The following CARD8 variants were observed in gnomAD, a reference collection of about 807,000 sequenced individuals.
CARD8 encodes caspase recruitment domain-containing protein 8.
Under a neutral mutation model 53.2 loss-of-function variants are expected in CARD8, and 38 were observed. The observed-to-expected ratio is 0.71, with a 90% confidence interval of 0.55 to 0.94. The LOEUF (loss-of-function observed/expected upper bound fraction) is 0.94. Among genes scored for constraint, CARD8 ranks in the 40% least tolerant of loss-of-function variants. The pLI is 0.00. For missense variants in CARD8, 561 were observed against 655.5 expected (o/e 0.86, Z 1.57); for synonymous variants, 245 against 244.9 (o/e 1.00, Z 0.00).
chr19:48,239,053 T>C (rs1027445181), intron 4 of CARD8, among the ~76,000 whole-genome samples: 2 of 152,198 alleles, frequency 1.3e-5, no homozygotes, highest in Non-Finnish European at 2.9e-5. Flanking sequence ...TATAGGAGCA[T>C]AACAAGGGCC....
At chr19:48,255,536 G>T (rs1376574843) in intron 1 of CARD8, 1 of 152,150 alleles carries the variant, frequency 6.6e-6, no homozygotes, top group African/African-American at 2.4e-5. Flanking sequence ...GAGTGTGAGA[G>T]AGATTATTAA....
intron 5 of CARD8, among the ~76,000 whole-genome samples, 151 bp from the exon 6 acceptor site, chr19:48,234,694 C>T (rs1299979045): frequency 1.3e-5 from 2 of 152,158 alleles, no homozygotes; most frequent in East Asian, 1.9e-4. Flanking sequence ...CTCCATCTCA[C>T]CTCTCAGACT....
chr19:48,251,292 T>C lies in CARD8; in HGVS notation c.-251-1445A>G, dbSNP rs187296951. 5.9e-5 allele frequency among the ~76,000 whole-genome samples: 9 copies of C among 152,348 alleles called. No homozygotes were observed. The East Asian group carries it at 1.5e-3, about 26-fold the overall frequency. ...ATTAAGTGAGATGAAAGTCTCATTA[T>C]GATATAGAGTCTTGTTTCAGCATCT... On this transcript the variant is annotated intron_variant, in intron 1 of 13. Transcript: ENST00000651546.
At chr19:48,217,922 T>G (rs2145565101) in intron 12 of CARD8, among the ~76,000 whole-genome samples, 1 of 152,340 alleles carries the variant, frequency 6.6e-6, no homozygotes, top group South Asian at 2.1e-4. Context: ...CCTCAGGGAA[T>G]ATGACACCCC....
At position 48,231,750 on chromosome 19, in the gene CARD8, T is replaced by A; in HGVS notation, c.452A>T (p.Glu151Val). The change falls in exon 8 of 14, where the codon GAG becomes GTG. Residue 151 changes from glutamate (E) to valine (V), a missense_variant. Physicochemically the swap from Glu to Val is moderately radical, Grantham distance 121 (BLOSUM62 -2). Transcript: ENST00000651546. ...ACGATTTTTATAATCTTCTTCGATC[T>A]CAAAACAGACTTTAGAAGCATAAGA... is the stretch of plus-strand genomic sequence containing the variant. ...VSSYASKVCFEIEEDYKNRQF... is the reference protein window; with the variant it reads ...VSSYASKVCFVIEEDYKNRQF... The A allele has an allele frequency of 6.2e-7, 1 of 1,613,564 alleles. No individual in the cohort carries two copies. Among genetic ancestry groups the A allele is most frequent in the East Asian group, 2.2e-5 (1 of 44,832 alleles).
chr19:48,217,387 C>G (rs2039551402), intron 12 of CARD8, among the ~76,000 whole-genome samples: 1 of 152,212 alleles, frequency 6.6e-6, no homozygotes. Flanking sequence ...TGTACTCACA[C>G]ATTTGTTCAA....
At chr19:48,205,531 A>G (rs536111399), downstream of CARD8, among the ~76,000 whole-genome samples, 65 of 152,304 alleles carry the variant, frequency 4.3e-4, no homozygotes, top group Non-Finnish European at 7.3e-4. Context: ...CGCCTGGCCC[A>G]TATACAATTG....
chr19:48,206,377 C>T (rs1008653098), downstream of CARD8: 4 of 449,136 alleles, frequency 8.9e-6, no homozygotes, highest in South Asian at 3.1e-5. Flanking sequence ...TTTCAGGAAG[C>T]GCCTACCGTA....
At chr19:48,204,770 G>A (rs2037281810), downstream of CARD8, among the ~76,000 whole-genome samples, 1 of 152,096 alleles carries the variant, frequency 6.6e-6, no homozygotes, top group Admixed American at 6.6e-5. Flanking sequence ...TTTTATAAGG[G>A]AATTGAGGTA....
intron 12 of CARD8, 38 bp from the exon 13 acceptor site, chr19:48,215,422 A>G (rs946149369): frequency 7.1e-7 from 1 of 1,414,548 alleles, no homozygotes; most frequent in Non-Finnish European, 1.0e-6. Context: ...GAGATGAGAT[A>G]AATCATGTAC....
At chr19:48,203,969 T>A (rs1346685534), downstream of CARD8, 1 of 337,528 alleles carries the variant, frequency 3.0e-6, no homozygotes, top group East Asian at 9.2e-5. Flanking sequence ...TGTGAGGGCC[T>A]GCGCAGTAGA....
Position 48,215,288 on chromosome 19 carries a change from C to A in CARD8, c.1348+52G>T. 4 of 1,325,052 alleles carry A rather than the reference C, an allele frequency of 3.0e-6. No individual in the cohort carries two copies. In the South Asian group the frequency reaches 4.7e-5, roughly 16 times the overall value. 82.1% of individuals were successfully genotyped at this position (1,325,052 alleles called of 1,614,324 possible). On this transcript the variant is annotated intron_variant, in intron 13 of 13. Transcript: ENST00000651546. The stretch of plus-strand genomic sequence containing the variant: ...GATACCTTCCACTGTCACTCAAAGA[C>A]CCCTTGATGTCTCATACATACCCTT...
At chr19:48,243,379 AT>A (rs2045552303) in intron 3 of CARD8, among the ~76,000 whole-genome samples, 1 of 152,166 alleles carries the variant, frequency 6.6e-6, no homozygotes, top group Non-Finnish European at 1.5e-5. Flanking sequence ...CCACCACTGA[AT>A]TTATCTGCAA....
chr19:48,240,830 T>A, intron 4 of CARD8, 132 bp downstream of exon 4: 1 of 751,260 alleles, frequency 1.3e-6, no homozygotes, highest in Non-Finnish European at 2.2e-6. Flanking sequence ...CATGCAGAGA[T>A]GGGTGAATGA....
At chr19:48,233,302 A>G (rs1378562490) in intron 6 of CARD8, 2 of 455,980 alleles carry the variant, frequency 4.4e-6, no homozygotes, top group African/African-American at 2.0e-5. Context: ...ACTCCATCAA[A>G]TTCTCTGCCT....
intron 10 of CARD8, among the ~76,000 whole-genome samples, chr19:48,229,931 G>A (rs2042521046): frequency 6.6e-6 from 1 of 152,116 alleles, no homozygotes; most frequent in African/African-American, 2.4e-5. Context: ...TGGCCAACAT[G>A]GTGAAACCCC....
chr19:48,233,173 G>C (rs1600449402), intron 6 of CARD8: 1 of 362,212 alleles, frequency 2.8e-6, no homozygotes, highest in African/African-American at 2.1e-5. Flanking sequence ...AGCCTCACAG[G>C]TGATTCCAAT....
rs1205601476 is a variant in CARD8 at position 48,238,369 on chromosome 19, T to C, written c.209+14A>G. ...AAATCTTTAATTTTTTCCCAACAAA[T>C]AGATGTCCCTTACGTATCATTTGTC... is the stretch of plus-strand genomic sequence containing the variant. On this transcript the variant is annotated intron_variant, in intron 5 of 13. Coordinates refer to ENST00000651546, the MANE Select transcript of CARD8 (RefSeq NM_001184900.3). 1 of 1,533,172 alleles carries C rather than the reference T, an allele frequency of 6.5e-7. No homozygotes were observed. Among genetic ancestry groups the C allele is most frequent in the Non-Finnish European group, 8.7e-7 (1 of 1,145,976 alleles). The allele number at this position is 1,533,172 out of a possible 1,614,324, so 95.0% of individuals were successfully genotyped here.
chr19:48,213,577 T>C (rs1180330696), intron 13 of CARD8, among the ~76,000 whole-genome samples: 1 of 152,200 alleles, frequency 6.6e-6, no homozygotes, highest in African/African-American at 2.4e-5. Context: ...TTTCACCATG[T>C]TGGCCAGGCT....
Sources: gnomAD v4.1 joint callset for allele counts (sites outside exome capture counted in the v4.1 genomes callset) on GRCh38, gnomAD v4.1.1 for gene constraint, MANE v1.5 for transcripts, NCBI Gene and HGNC (gene_info 2026-07-23, HGNC 2026-07-21) for gene names.